The following GREB1L variants were observed in gnomAD, a reference collection of about 807,000 sequenced individuals.
GREB1L encodes the protein GREB1-like protein.
In GREB1L, 17 loss-of-function variants were observed where a neutral mutation model predicts 200.8. The observed-to-expected ratio is 0.08, with a 90% confidence interval of 0.06 to 0.13. The LOEUF (loss-of-function observed/expected upper bound fraction) is 0.13, where lower values mean the gene tolerates loss of function less well. Among genes scored for constraint, GREB1L ranks in the 10% least tolerant of loss-of-function variants. The probability of loss-of-function intolerance (pLI) is 1.00; values close to 1 mark genes in which losing one functional copy is unlikely to be tolerated. For synonymous variants in GREB1L, 789 were observed against 893.0 expected, an observed-to-expected ratio of 0.88 and a Z score of 2.08; for missense variants, 1,657 against 2,367.7, an observed-to-expected ratio of 0.70 and a Z score of 6.23.
intron 7 of GREB1L, among the ~76,000 whole-genome samples, chr18:21,421,807 C>T (rs778618245): frequency 2.0e-5 from 3 of 152,254 alleles, no homozygotes; most frequent in Non-Finnish European, 1.5e-5. Flanking sequence ...CTACTGGCTA[C>T]GTAATTGGCT....
At position 21,449,845 on chromosome 18, in the gene GREB1L, T is replaced by TTTTTTTG. The variant is rs1247546663; in HGVS notation, c.1720+20_1720+26dup. The TTTTTTTG allele has an allele frequency of 2.0e-6, 3 of 1,482,246 alleles. No homozygotes were observed. The highest frequency in any genetic ancestry group is 2.7e-6 in the Non-Finnish European group (3 of 1,113,326). 91.8% of individuals were successfully genotyped at this position (1,482,246 alleles called of 1,614,324 possible). A position where few individuals can be genotyped will look rare whatever the true frequency, so the allele number is the denominator to read the frequency against. Reference sequence around the variant, plus strand: ...TTGTGTGGTAGTGTTAGGTGAGTAATTTTTTTGTTTTTTGTTTGTTTAATC... The same window carrying TTTTTTTG: ...TTGTGTGGTAGTGTTAGGTGAGTAATTTTTTTGTTTTTTGTTTTTTGTTTGTTTAATC... On this transcript the variant is annotated intron_variant, in intron 12 of 32. Transcript: ENST00000424526.
At chr18:21,251,674 C>T (rs938089430) in intron 1 of GREB1L, among the ~76,000 whole-genome samples, 8 of 152,062 alleles carry the variant, frequency 5.3e-5, no homozygotes, top group Non-Finnish European at 1.2e-4. Context: ...CGGCTGGGCA[C>T]GGTGGCTCAC....
chr18:21,492,890 G>T (rs1247329254), intron 19 of GREB1L, among the ~76,000 whole-genome samples: 1 of 152,188 alleles, frequency 6.6e-6, no homozygotes, highest in East Asian at 1.9e-4. Flanking sequence ...GTTTGAGGCT[G>T]CAGTGAGCTA....
intron 15 of GREB1L, among the ~76,000 whole-genome samples, chr18:21,460,399 G>T (rs1024917809): frequency 1.3e-4 from 20 of 151,928 alleles, no homozygotes; most frequent in Non-Finnish European, 2.9e-4. Context: ...AGGTTGGAGT[G>T]CAATGGCACA....
At chr18:21,430,568 A>T (rs1178913016) in intron 7 of GREB1L, among the ~76,000 whole-genome samples, 9 of 95,772 alleles carry the variant, frequency 9.4e-5, no homozygotes, top group East Asian at 7.1e-4. Context: ...TCTTAAGGTG[A>T]TTGATTTGGG....
intron 1 of GREB1L, among the ~76,000 whole-genome samples, chr18:21,256,317 G>A (rs763668008): frequency 1.1e-4 from 16 of 152,138 alleles, no homozygotes; most frequent in Non-Finnish European, 1.9e-4. Context: ...CCTGAAAATC[G>A]CTGGAGCAGG....
At chr18:21,416,397 T>G (rs1466640338) in intron 7 of GREB1L, among the ~76,000 whole-genome samples, 1 of 151,900 alleles carries the variant, frequency 6.6e-6, no homozygotes, top group African/African-American at 2.4e-5. Flanking sequence ...CCAAACTTGG[T>G]GAACATTATA....
At position 21,525,012 on chromosome 18, in the gene GREB1L, G is replaced by GTGTGTGTGTATATATA. The variant is rs55641891; in HGVS notation, c.*2192_*2193insGTGTGTGTATATATAT. The GTGTGTGTGTATATATA allele has an allele frequency of 1.4e-5, 2 of 145,122 alleles. No individual in the cohort carries two copies. Among genetic ancestry groups the GTGTGTGTGTATATATA allele is most frequent in the African/African-American group, 5.0e-5 (2 of 40,128 alleles). 9.0% of individuals were successfully genotyped at this position (145,122 alleles called of 1,614,324 possible). A position where few individuals can be genotyped will look rare whatever the true frequency, so the allele number is the denominator to read the frequency against. Reference sequence around the variant, plus strand: ...AAGCACAGGACACCATGATTTGTGTGTATATATATATATATCCTAGTGTGT... The same window carrying GTGTGTGTGTATATATA: ...AAGCACAGGACACCATGATTTGTGTGTGTGTGTGTATATATATATATATATATATATCCTAGTGTGT... On this transcript the variant is annotated 3_prime_UTR_variant, in exon 33 of 33. Coordinates refer to ENST00000424526, the MANE Select transcript of GREB1L (RefSeq NM_001142966.3).
intron 1 of GREB1L, among the ~76,000 whole-genome samples, chr18:21,258,917 T>C (rs2037845191): frequency 6.6e-6 from 1 of 152,192 alleles, no homozygotes; most frequent in African/African-American, 2.4e-5. Context: ...CATAGTGGAA[T>C]AGAGCCATGG....
chr18:21,251,188 T>A (rs2037697450), intron 1 of GREB1L, among the ~76,000 whole-genome samples: 1 of 152,156 alleles, frequency 6.6e-6, no homozygotes, highest in Non-Finnish European at 1.5e-5. Context: ...TGTAGTTACT[T>A]CTTTTTTAAA....
intron 20 of GREB1L, among the ~76,000 whole-genome samples, chr18:21,496,056 A>G (rs1235202808): frequency 1.3e-5 from 2 of 152,092 alleles, no homozygotes; most frequent in African/African-American, 4.8e-5. Context: ...TTTTTTTTAT[A>G]AAGTGCTTTG....
intron 1 of GREB1L, among the ~76,000 whole-genome samples, chr18:21,309,005 A>T (rs1230195321): frequency 6.6e-6 from 1 of 152,178 alleles, no homozygotes; most frequent in South Asian, 2.1e-4. Context: ...TTTGGGTGGG[A>T]ATCTTGTAGA....
chr18:21,505,391 C>T (rs2036972437), intron 23 of GREB1L, 21 bp from the exon 24 acceptor site: 2 of 1,546,936 alleles, frequency 1.3e-6, no homozygotes. Context: ...ACCTGCTCTG[C>T]ACACTTCCTT....
chr18:21,439,190 CTA>C lies in GREB1L; in HGVS notation c.833-327_833-326del, dbSNP rs2033751523. Among the ~76,000 whole-genome samples the C allele has an allele frequency of 3.9e-5, 6 of 152,022 alleles. No homozygotes were observed. In the South Asian group the frequency reaches 1.2e-3, roughly 32 times the overall value. Reference sequence around the variant, plus strand: ...TTATTATCCTATTCTCTCTACTTTTCTATATGTTTGAAACTTTCCATGATGCA... The same window carrying C: ...TTATTATCCTATTCTCTCTACTTTTCTATGTTTGAAACTTTCCATGATGCA... On this transcript the variant is annotated intron_variant, in intron 7 of 32. Transcript: ENST00000424526.
intron 1 of GREB1L, among the ~76,000 whole-genome samples, chr18:21,360,241 C>T (rs942521008): frequency 3.3e-5 from 5 of 152,254 alleles, no homozygotes; most frequent in East Asian, 1.9e-4. Flanking sequence ...TTCTTTGAGA[C>T]GAAGTCTCGC....
chr18:21,418,856 A>G (rs2031891729), intron 7 of GREB1L, among the ~76,000 whole-genome samples: 1 of 152,168 alleles, frequency 6.6e-6, no homozygotes, highest in Admixed American at 6.5e-5. Flanking sequence ...AGTTTAATCA[A>G]TAAGCATGTA....
intron 2 of GREB1L, among the ~76,000 whole-genome samples, chr18:21,375,648 A>G (rs1399911448): frequency 1.3e-5 from 2 of 152,170 alleles, no homozygotes; most frequent in East Asian, 3.8e-4. Context: ...CTGAGTGATA[A>G]AGATAGCACC....
chr18:21,258,022 T>C (rs2037828734), intron 1 of GREB1L, among the ~76,000 whole-genome samples: 1 of 152,156 alleles, frequency 6.6e-6, no homozygotes, highest in African/African-American at 2.4e-5. Context: ...GTCTGGCTGA[T>C]TTAAAACTTT....
At chr18:21,350,333 G>T (rs1405116923) in intron 1 of GREB1L, among the ~76,000 whole-genome samples, 1 of 151,332 alleles carries the variant, frequency 6.6e-6, no homozygotes, top group Non-Finnish European at 1.5e-5. Flanking sequence ...CGCCTCCTGG[G>T]TTCAAGTGAG....
Sources: gnomAD v4.1 joint callset for allele counts (sites outside exome capture counted in the v4.1 genomes callset) on GRCh38, gnomAD v4.1.1 for gene constraint, MANE v1.5 for transcripts, NCBI Gene and HGNC (gene_info 2026-07-23, HGNC 2026-07-21) for gene names.